The following TTC29 variants were observed in gnomAD, a reference collection of about 807,000 sequenced individuals.
TTC29 encodes tetratricopeptide repeat domain 29.
In TTC29, 49 loss-of-function variants were observed where a neutral mutation model predicts 58.1. The ratio of observed to expected loss-of-function variants is 0.84; its 90% CI spans 0.67 to 1.07. The LOEUF (loss-of-function observed/expected upper bound fraction) is 1.07, where lower values mean the gene tolerates loss of function less well. TTC29 is among the 50% of genes least tolerant of loss of function. TTC29 has a pLI of 0.00. For missense variants in TTC29, 582 were observed against 555.6 expected (o/e 1.05, Z -0.48); for synonymous variants, 209 against 196.8 (o/e 1.06, Z -0.52).
At chr4:146,889,935 T>C (rs185495217) in intron 6 of TTC29, among the ~76,000 whole-genome samples, 97 of 152,302 alleles carry the variant, frequency 6.4e-4, no homozygotes, top group Admixed American at 2.9e-3. Flanking sequence ...ATGCACATAA[T>C]TGTTTTTTAT....
intron 11 of TTC29, among the ~76,000 whole-genome samples, chr4:146,732,805 A>G (rs1744437594): frequency 6.6e-6 from 1 of 152,188 alleles, no homozygotes; most frequent in African/African-American, 2.4e-5. Flanking sequence ...GCAAGCCAAA[A>G]GAGGAAGAGG....
intron 11 of TTC29, among the ~76,000 whole-genome samples, chr4:146,755,694 C>CTATA (rs143208042): frequency 0.048 from 7,146 of 149,750 alleles, 565 homozygotes; most frequent in African/African-American, 0.16. Context: ...CTTTTTTTAA[C>CTATA]TATATATATA....
intron 7 of TTC29, among the ~76,000 whole-genome samples, chr4:146,873,319 G>A (rs1211137034): frequency 1.3e-5 from 2 of 152,040 alleles, no homozygotes; most frequent in Non-Finnish European, 2.9e-5. Flanking sequence ...TTTAACCTAT[G>A]TACTTTCTTA....
chr4:146,798,823 C>G (rs906083482), intron 11 of TTC29, among the ~76,000 whole-genome samples: 29 of 124,806 alleles, frequency 2.3e-4, no homozygotes, highest in African/African-American at 7.6e-4. Flanking sequence ...GGAGACGGAG[C>G]TTGTAATGAG....
chr4:146,904,739 C>T (rs1454082538), intron 5 of TTC29, among the ~76,000 whole-genome samples: 1 of 152,118 alleles, frequency 6.6e-6, no homozygotes, highest in Non-Finnish European at 1.5e-5. Context: ...TTGTTCACTA[C>T]TACCAGAGGA....
chr4:146,767,148 C>T (rs906609212), intron 11 of TTC29, among the ~76,000 whole-genome samples: 2 of 151,914 alleles, frequency 1.3e-5, no homozygotes, highest in Non-Finnish European at 2.9e-5. Context: ...AGATTTCATC[C>T]TATTTATGAT....
At chr4:146,817,328 C>T (rs573907348) in intron 10 of TTC29, among the ~76,000 whole-genome samples, 156 of 152,272 alleles carry the variant, frequency 1.0e-3, no homozygotes, top group Non-Finnish European at 2.0e-3. Context: ...AACTCCCATT[C>T]ACAATTGCTT....
At chr4:146,831,410 T>C (rs921712320) in intron 9 of TTC29, among the ~76,000 whole-genome samples, 2 of 152,148 alleles carry the variant, frequency 1.3e-5, no homozygotes, top group Non-Finnish European at 2.9e-5. Flanking sequence ...GGAATTCCTA[T>C]AAAAAGAATT....
intron 10 of TTC29, among the ~76,000 whole-genome samples, chr4:146,817,245 A>G (rs1001844796): frequency 6.6e-6 from 1 of 152,248 alleles, no homozygotes; most frequent in African/African-American, 2.4e-5. Context: ...CTCAGGGTAC[A>G]AAATCAATGT....
rs150939145 is a variant in TTC29, at chr4:146,880,233, G to A, written c.587-5305C>T. Reference sequence around the variant, plus strand: ...CTGTGAACAACTGCATCAAACAAGAGTATCCAGGTATGAACAGAAATAGCC... The same window carrying A: ...CTGTGAACAACTGCATCAAACAAGAATATCCAGGTATGAACAGAAATAGCC... On this transcript the variant is annotated intron_variant, in intron 6 of 12. Coordinates refer to ENST00000325106, the MANE Select transcript of TTC29 (RefSeq NM_031956.4). Among the ~76,000 whole-genome samples the A allele has an allele frequency of 4.1e-3, 626 of 152,240 alleles. 5 individuals carry two copies. Among genetic ancestry groups the A allele is most frequent in the African/African-American group, 0.014 (596 of 41,540 alleles).
At chr4:146,860,847 C>A (rs181826282) in intron 8 of TTC29, among the ~76,000 whole-genome samples, 75 of 152,232 alleles carry the variant, frequency 4.9e-4, no homozygotes, top group South Asian at 1.7e-3. Context: ...TATAGGTCAA[C>A]CACATCTACA....
chr4:146,891,452 A>G (rs1467101226), intron 6 of TTC29, among the ~76,000 whole-genome samples: 1 of 151,994 alleles, frequency 6.6e-6, no homozygotes, highest in Admixed American at 6.6e-5. Flanking sequence ...GCTTTGGGGG[A>G]CAGTGTTTGT....
At chr4:146,837,533 A>G (rs34653810) in intron 8 of TTC29, among the ~76,000 whole-genome samples, 47,567 of 151,860 alleles carry the variant, frequency 0.31, 8,091 homozygotes, top group African/African-American at 0.45. Flanking sequence ...ATACTGTTTT[A>G]TAGTAGGCAA....
chr4:146,883,345 G>A (rs988360447), intron 6 of TTC29, among the ~76,000 whole-genome samples: 1 of 151,882 alleles, frequency 6.6e-6, no homozygotes, highest in African/African-American at 2.4e-5. Flanking sequence ...TCAGTGCCTG[G>A]TGCCTCACAG....
chr4:146,746,935 C>T (rs947206551), intron 11 of TTC29, among the ~76,000 whole-genome samples: 3 of 152,088 alleles, frequency 2.0e-5, no homozygotes, highest in Admixed American at 6.5e-5. Flanking sequence ...TACAGCAAAG[C>T]AGCAGCAGAA....
chr4:146,810,883 G>A (rs941773255), intron 10 of TTC29, among the ~76,000 whole-genome samples: 1 of 149,770 alleles, frequency 6.7e-6, no homozygotes, highest in African/African-American at 2.4e-5. Flanking sequence ...TTTGTTTTCA[G>A]TCACAGCAAA....
chr4:146,823,433 C>T (rs1418943758), intron 9 of TTC29, among the ~76,000 whole-genome samples: 3 of 151,910 alleles, frequency 2.0e-5, no homozygotes, highest in Non-Finnish European at 2.9e-5. Context: ...GTGTTATTTC[C>T]GAGGTCTCTG....
At chr4:146,935,155 C>A (rs893596303) in intron 4 of TTC29, among the ~76,000 whole-genome samples, 3 of 151,982 alleles carry the variant, frequency 2.0e-5, no homozygotes, top group African/African-American at 7.2e-5. Context: ...GGATGAGATG[C>A]AGAGCACAAG....
chr4:146,861,935 G>GTA (rs1461758862), intron 8 of TTC29, among the ~76,000 whole-genome samples: 1 of 152,068 alleles, frequency 6.6e-6, no homozygotes, highest in East Asian at 1.9e-4. Context: ...AGATAAAATT[G>GTA]TATATAGAAT....
Sources: allele counts gnomAD v4.1 joint callset (sites outside exome capture counted in the v4.1 genomes callset), GRCh38; gene constraint gnomAD v4.1.1; transcripts MANE v1.5; gene names NCBI Gene and HGNC (gene_info 2026-07-23, HGNC 2026-07-21).